Variants in EPHA3 observed in about 807,000 individuals in gnomAD.
EPHA3 encodes the protein EPH receptor A3, also known as ephrin type-A receptor 3.
Under a neutral mutation model 107.1 loss-of-function variants are expected in EPHA3, and 42 were observed. The observed-to-expected ratio is 0.39, with a 90% CI of 0.31 to 0.51. The LOEUF (loss-of-function observed/expected upper bound fraction) is 0.51. Among genes scored for constraint, EPHA3 ranks in the 20% least tolerant of loss-of-function variants. The pLI, the probability that EPHA3 is intolerant of heterozygous loss-of-function variation, is 0.78. For synonymous variants in EPHA3, 461 were observed against 424.8 expected (o/e 1.09, Z -1.05); for missense variants, 1,183 against 1,211.2 (o/e 0.98, Z 0.35).
intron 3 of EPHA3, among the ~76,000 whole-genome samples, chr3:89,216,797 G>A (rs1559605036): frequency 6.6e-6 from 1 of 152,038 alleles, no homozygotes; most frequent in Non-Finnish European, 1.5e-5. Flanking sequence ...ATGTAACCAT[G>A]TTTTTCAGAA....
intron 2 of EPHA3, among the ~76,000 whole-genome samples, chr3:89,166,640 T>C (rs761574291): frequency 2.0e-4 from 31 of 152,154 alleles, no homozygotes; most frequent in Non-Finnish European, 4.6e-4. Flanking sequence ...ATTCACCTGC[T>C]TCCTCTGATT....
chr3:89,360,210 C>T (rs1358039539), intron 5 of EPHA3, among the ~76,000 whole-genome samples: 1 of 150,804 alleles, frequency 6.6e-6, no homozygotes, highest in Non-Finnish European at 1.5e-5. Context: ...AATCAAGCCT[C>T]TCTTTTTTTT....
At chr3:89,418,940 C>A (rs1391122399) in intron 10 of EPHA3, among the ~76,000 whole-genome samples, 1 of 151,366 alleles carries the variant, frequency 6.6e-6, no homozygotes, top group African/African-American at 2.4e-5. Context: ...TCTCCTTTTA[C>A]ATTACATTAT....
At chr3:89,455,718 G>A (rs1189302457) in intron 15 of EPHA3, among the ~76,000 whole-genome samples, 2 of 152,144 alleles carry the variant, frequency 1.3e-5, no homozygotes, top group African/African-American at 4.8e-5. Context: ...GAAGATTGTA[G>A]CACATGCTGT....
intron 3 of EPHA3, among the ~76,000 whole-genome samples, chr3:89,239,694 T>A (rs868208328): frequency 1.3e-4 from 20 of 152,292 alleles, no homozygotes; most frequent in African/African-American, 4.6e-4. Flanking sequence ...TATGACCTTT[T>A]GAAAAGAACA....
At position 89,122,234 on chromosome 3, in the gene EPHA3, G is replaced by A. The variant is rs560096121; in HGVS notation, c.89-4975G>A. ...AGGCTGGGACAATTACAGTGATGGT[G>A]TGCATAGAAAGAAACTGTCATTACT... On this transcript the variant is annotated intron_variant, in intron 1 of 16. Transcript: ENST00000336596. Among the ~76,000 whole-genome samples, 176 of 152,280 alleles carry A rather than the reference G, an allele frequency of 1.2e-3. 2 individuals carry two copies. Among genetic ancestry groups the A allele is most frequent in the African/African-American group, 4.0e-3 (165 of 41,564 alleles).
intron 15 of EPHA3, among the ~76,000 whole-genome samples, chr3:89,450,928 AC>A (rs1291885634): frequency 1.3e-5 from 2 of 152,088 alleles, no homozygotes; most frequent in African/African-American, 4.8e-5. Context: ...TATACTGAAC[AC>A]ATACTTCTTT....
intron 3 of EPHA3, among the ~76,000 whole-genome samples, chr3:89,233,330 C>T (rs1197347476): frequency 6.6e-6 from 1 of 152,038 alleles, no homozygotes; most frequent in Non-Finnish European, 1.5e-5. Flanking sequence ...AATGCTTCCC[C>T]CAAGACCTAC....
At chr3:89,296,619 C>T (rs1022751255) in intron 3 of EPHA3, among the ~76,000 whole-genome samples, 1 of 152,032 alleles carries the variant, frequency 6.6e-6, no homozygotes, top group African/African-American at 2.4e-5. Context: ...ATTAAGGGCC[C>T]TTGGATTTTC....
intron 13 of EPHA3, among the ~76,000 whole-genome samples, chr3:89,442,937 C>T (rs368213350): frequency 1.2e-4 from 18 of 152,158 alleles, no homozygotes; most frequent in African/African-American, 4.3e-4. Flanking sequence ...ACCCCAGGCT[C>T]TAAATTTCAA....
At chr3:89,119,549 C>T (rs139624966) in intron 1 of EPHA3, among the ~76,000 whole-genome samples, 13 of 152,044 alleles carry the variant, frequency 8.6e-5, no homozygotes, top group Admixed American at 2.6e-4. Flanking sequence ...AGAGTTTGTT[C>T]GTGTGTGTGT....
At chr3:89,291,711 G>C (rs1706209614) in intron 3 of EPHA3, among the ~76,000 whole-genome samples, 1 of 152,110 alleles carries the variant, frequency 6.6e-6, no homozygotes, top group Non-Finnish European at 1.5e-5. Flanking sequence ...GCATGAGATT[G>C]TGTGTAAGGA....
At chr3:89,357,106 C>CAAAAAAAAAAAAAAAA (rs56717904) in intron 5 of EPHA3, among the ~76,000 whole-genome samples, 3 of 15,978 alleles carry the variant, frequency 1.9e-4, no homozygotes, top group Admixed American at 1.4e-3. Flanking sequence ...GACCCTGTCT[C>CAAAAAAAAAAAAAAAA]AAAAAAAAAA....
intron 2 of EPHA3, among the ~76,000 whole-genome samples, chr3:89,172,230 C>A (rs1410992363): frequency 6.6e-6 from 1 of 152,044 alleles, no homozygotes; most frequent in South Asian, 2.1e-4. Context: ...GTAAATCTTC[C>A]CCATTCAGAG....
At chr3:89,416,649 G>A (rs188003485) in intron 10 of EPHA3, among the ~76,000 whole-genome samples, 4 of 151,112 alleles carry the variant, frequency 2.6e-5, no homozygotes, top group African/African-American at 9.7e-5. Flanking sequence ...GCATTTCTAT[G>A]TCTTTTATAA....
intron 3 of EPHA3, among the ~76,000 whole-genome samples, chr3:89,270,916 T>A (rs1431275128): frequency 1.3e-5 from 2 of 151,998 alleles, no homozygotes; most frequent in African/African-American, 2.4e-5. Context: ...TCAGAGTAGA[T>A]CATCATAGCG....
intron 3 of EPHA3, among the ~76,000 whole-genome samples, chr3:89,219,118 C>A (rs1007737667): frequency 6.6e-6 from 1 of 152,062 alleles, no homozygotes; most frequent in Non-Finnish European, 1.5e-5. Flanking sequence ...AGGTTTCAAT[C>A]TCCATGGAGT....
chr3:89,240,300 C>T lies in EPHA3; in HGVS notation c.814+29780C>T, dbSNP rs185722408. Among the ~76,000 whole-genome samples the T allele has an allele frequency of 3.3e-5, 5 of 152,238 alleles. No individual in the cohort carries two copies. The East Asian group carries it at 9.6e-4, about 29-fold the overall frequency. On this transcript the variant is annotated intron_variant, in intron 3 of 16. Transcript: ENST00000336596. The stretch of plus-strand genomic sequence containing the variant: ...AGTCCTCCAGTAACTATAATGCCTG[C>T]TTCATTCACTATTTTATCGGGAAAA...
chr3:89,452,137 T>C (rs1451867025), intron 15 of EPHA3, among the ~76,000 whole-genome samples: 1 of 152,206 alleles, frequency 6.6e-6, no homozygotes, highest in African/African-American at 2.4e-5. Flanking sequence ...TTTCATATCT[T>C]GGCTATTGTG....
Sources: allele counts gnomAD v4.1 joint callset (sites outside exome capture counted in the v4.1 genomes callset), GRCh38; gene constraint gnomAD v4.1.1; transcripts MANE v1.5; gene names NCBI Gene and HGNC (gene_info 2026-07-23, HGNC 2026-07-21).